TRIP12: variants seen among roughly 807,000 people sequenced by gnomAD.
TRIP12 encodes thyroid hormone receptor interactor 12.
In TRIP12, 25 loss-of-function variants were observed where a neutral mutation model predicts 244.2. The observed-to-expected ratio is 0.10, with a 90% CI of 0.07 to 0.14. TRIP12 has a LOEUF of 0.14. Among genes scored for constraint, TRIP12 ranks in the 10% least tolerant of loss-of-function variants. TRIP12 has a pLI of 1.00. For missense variants in TRIP12, 1,677 were observed against 2,486.4 expected (o/e 0.67, Z 6.92); for synonymous variants, 905 against 873.1 (o/e 1.04, Z -0.64).
chr2:229,862,598 A>G (rs987732797), intron 2 of TRIP12, among the ~76,000 whole-genome samples: 9 of 152,246 alleles, frequency 5.9e-5, no homozygotes, highest in Non-Finnish European at 1.3e-4. Flanking sequence ...AGAAAACTAC[A>G]TACATTCAAA....
chr2:229,922,422 G>A (rs1044174850), upstream of TRIP12: 9 of 1,204,172 alleles, frequency 7.5e-6, no homozygotes, highest in African/African-American at 1.0e-4. Flanking sequence ...GCTCATAAGC[G>A]TGGTTCAATT....
rs182888110 is a variant in TRIP12 at position 229,779,394 on chromosome 2, C to T, written c.5095-404G>A. ...GGGAAGGCTCCCCCCAGCATCTGCT[C>T]CCAACAGTTAGTCTGTTCCTTTTTT... On this transcript the variant is annotated intron_variant, in intron 34 of 41. Coordinates refer to ENST00000675903, the MANE Select transcript of TRIP12 (RefSeq NM_001348323.3). 3.9e-5 allele frequency among the ~76,000 whole-genome samples: 6 copies of T among 152,310 alleles called. No homozygotes were observed. The South Asian group carries it at 8.3e-4, about 21-fold the overall frequency.
At chr2:229,843,046 C>T (rs2056823516) in intron 4 of TRIP12, among the ~76,000 whole-genome samples, 1 of 151,496 alleles carries the variant, frequency 6.6e-6, no homozygotes, top group Non-Finnish European at 1.5e-5. Flanking sequence ...CTCTTATTCT[C>T]TCTTTCTCTC....
intron 22 of TRIP12, 34 bp downstream of exon 22, chr2:229,799,249 C>G (rs1209581636): frequency 6.2e-7 from 1 of 1,609,570 alleles, no homozygotes; most frequent in Non-Finnish European, 8.5e-7. Flanking sequence ...CCACCCTCCC[C>G]TTTACCTCCC....
chr2:229,824,318 C>T (rs975543782), intron 8 of TRIP12, among the ~76,000 whole-genome samples: 4 of 151,924 alleles, frequency 2.6e-5, no homozygotes, highest in Non-Finnish European at 5.9e-5. Flanking sequence ...AGCTTGATAC[C>T]ATACTACTGT....
intron 8 of TRIP12, among the ~76,000 whole-genome samples, chr2:229,821,262 T>C (rs2049982556): frequency 6.6e-6 from 1 of 152,192 alleles, no homozygotes; most frequent in Non-Finnish European, 1.5e-5. Context: ...TTTTGCACCA[T>C]CAGTTCAAAC....
At chr2:229,880,902 C>A (rs770785962) in intron 1 of TRIP12, among the ~76,000 whole-genome samples, 3 of 152,136 alleles carry the variant, frequency 2.0e-5, no homozygotes, top group African/African-American at 4.8e-5. Context: ...CTAGATCATG[C>A]CACTGGATTC....
At chr2:229,789,011 A>G (rs1362811408) in intron 31 of TRIP12, 71 bp from the exon 32 acceptor site, 1 of 1,406,738 alleles carries the variant, frequency 7.1e-7, no homozygotes, top group African/African-American at 1.4e-5. Flanking sequence ...AATCTCTTCC[A>G]TTATCCCCAA....
rs746905236 is a variant in TRIP12 at position 229,810,889 on chromosome 2, T to A, written c.2212A>T (p.Met738Leu). The A allele has an allele frequency of 3.7e-6, 6 of 1,613,208 alleles. No individual in the cohort carries two copies. The highest frequency in any genetic ancestry group is 5.1e-6 in the Non-Finnish European group (6 of 1,179,762). ...GTAAATTTGCACTTACTTTGTTTCATAAGTTGAACAGCTAAAGTTGGACAG... is the reference window on the plus strand; with the variant it reads ...GTAAATTTGCACTTACTTTGTTTCAAAAGTTGAACAGCTAAAGTTGGACAG... ...SNCPTLAVQL[M>L]KQNIAETLHF... Residue 738 changes from methionine (M) to leucine (L), a missense_variant, in exon 15 of 42, where the codon ATG becomes TTG. By Grantham distance (15) the Met-to-Leu change is conservative (BLOSUM62 2). Coordinates refer to ENST00000675903, the MANE Select transcript of TRIP12 (RefSeq NM_001348323.3).
intron 32 of TRIP12, among the ~76,000 whole-genome samples, chr2:229,788,571 T>C (rs2040651999): frequency 6.6e-6 from 1 of 152,266 alleles, no homozygotes; most frequent in Non-Finnish European, 1.5e-5. Flanking sequence ...CAAACTGCTA[T>C]GTGTACTTTC....
rs919351043 is a variant in TRIP12 at position 229,765,805 on chromosome 2, C to T, written c.*1749G>A. Reference sequence around the variant, plus strand: ...CTGTTAGTGGTGAAAACTGCAGAAACACAATTCCCTTCTTGGATTTCAGGG... The same window carrying T: ...CTGTTAGTGGTGAAAACTGCAGAAATACAATTCCCTTCTTGGATTTCAGGG... On this transcript the variant is annotated 3_prime_UTR_variant, in exon 42 of 42. Transcript: ENST00000675903. 6.6e-6 allele frequency: 1 copy of T among 152,190 alleles called. No homozygotes were observed. The highest frequency in any genetic ancestry group is 1.5e-5 in the Non-Finnish European group (1 of 68,040). 9.4% of individuals were successfully genotyped at this position (152,190 alleles called of 1,614,324 possible). A position where few individuals can be genotyped will look rare whatever the true frequency, so the allele number is the denominator to read the frequency against.
At chr2:229,907,909 A>G (rs531806575) in intron 1 of TRIP12, among the ~76,000 whole-genome samples, 1 of 152,132 alleles carries the variant, frequency 6.6e-6, no homozygotes, top group Non-Finnish European at 1.5e-5. Context: ...TTTAATCCTC[A>G]TAACAATCAG....
chr2:229,822,993 A>G (rs2050485114), intron 8 of TRIP12, among the ~76,000 whole-genome samples: 1 of 152,236 alleles, frequency 6.6e-6, no homozygotes, highest in Admixed American at 6.5e-5. Context: ...AAACTGATCA[A>G]TAGGAAGTTT....
In TRIP12 at chr2:229,778,579, C is replaced by T; in HGVS notation, c.5218G>A (p.Glu1740Lys). 6.2e-7 allele frequency: 1 copy of T among 1,609,816 alleles called. No individual in the cohort carries two copies. Among genetic ancestry groups the T allele is most frequent in the South Asian group, 1.1e-5 (1 of 90,550 alleles). ...VTLSNPKGSQ[E>K]GTKYIQNLQG... ...AGGTTTTGAATATACTTGGTCCCTT[C>T]TTGGCTCCCTGAAAAACAAGCAATG... Residue 1740 changes from glutamate (E) to lysine (K), a missense_variant, in exon 36 of 42, where the codon GAA becomes AAA. Coordinates refer to ENST00000675903, the MANE Select transcript of TRIP12 (RefSeq NM_001348323.3). This position sits in a 1 kb window ranked among gnomAD's most constrained non-coding sequence, Gnocchi z 4.1.
intron 1 of TRIP12, among the ~76,000 whole-genome samples, chr2:229,898,500 A>T (rs986680799): frequency 3.3e-5 from 5 of 152,196 alleles, no homozygotes. Context: ...GCGTCTAAGG[A>T]TTAGAATTAG....
intron 18 of TRIP12, 57 bp from the exon 19 acceptor site, chr2:229,804,284 CAA>C: frequency 7.1e-7 from 1 of 1,400,598 alleles, no homozygotes. Flanking sequence ...TTCAGAAACA[CAA>C]TAAACAATAT....
chr2:229,783,413 G>GT (rs113647013), intron 34 of TRIP12, among the ~76,000 whole-genome samples: 1 of 152,098 alleles, frequency 6.6e-6, no homozygotes, highest in Non-Finnish European at 1.5e-5. Flanking sequence ...TACAATAATC[G>GT]TAAGTGATTT....
upstream of TRIP12, chr2:229,922,422 G>T (rs1044174850): frequency 2.5e-6 from 3 of 1,204,172 alleles, no homozygotes; most frequent in African/African-American, 4.5e-5. Flanking sequence ...GCTCATAAGC[G>T]TGGTTCAATT....
intron 4 of TRIP12, among the ~76,000 whole-genome samples, chr2:229,855,126 G>A (rs1013748206): frequency 6.6e-5 from 10 of 152,144 alleles, no homozygotes; most frequent in African/African-American, 1.7e-4. Context: ...AATTAGCCGG[G>A]CATGGTGGCG....
Sources: gnomAD v4.1 joint callset for allele counts (sites outside exome capture counted in the v4.1 genomes callset) on GRCh38, gnomAD v4.1.1 for gene constraint, Gnocchi (gnomAD v3.1) non-coding constraint, MANE v1.5 for transcripts, NCBI Gene and HGNC (gene_info 2026-07-23, HGNC 2026-07-21) for gene names.